Variants in CNTN4 observed in about 807,000 individuals in gnomAD.
CNTN4 encodes the protein contactin-4.
CNTN4 carries 77 observed loss-of-function variants against 122.5 expected under a neutral mutation model. The ratio of observed to expected loss-of-function variants is 0.63; its 90% confidence interval spans 0.52 to 0.76. CNTN4 has a LOEUF of 0.76. Among genes scored for constraint, CNTN4 ranks in the 30% least tolerant of loss-of-function variants. CNTN4 has a pLI of 0.00. For synonymous variants in CNTN4, 512 were observed against 447.0 expected, an observed-to-expected ratio of 1.15 and a Z score of -1.83; for missense variants, 1,256 against 1,259.1, an observed-to-expected ratio of 1.00 and a Z score of 0.04.
At chr3:2,861,472 T>A (rs906813271) in intron 7 of CNTN4, among the ~76,000 whole-genome samples, 1 of 152,188 alleles carries the variant, frequency 6.6e-6, no homozygotes, top group Non-Finnish European at 1.5e-5. Context: ...ACTTTTCACA[T>A]CTACTTTCTT....
intron 3 of CNTN4, among the ~76,000 whole-genome samples, chr3:2,347,976 C>G (rs2044468033): frequency 6.6e-6 from 1 of 151,666 alleles, no homozygotes; most frequent in Admixed American, 6.6e-5. Context: ...ATTGTTTATA[C>G]TGTATGTTTC....
At chr3:2,710,067 C>G (rs549181525) in intron 4 of CNTN4, among the ~76,000 whole-genome samples, 1 of 152,140 alleles carries the variant, frequency 6.6e-6, no homozygotes, top group East Asian at 1.9e-4. Context: ...ATTATTAGCA[C>G]TAGGTATAAT....
intron 4 of CNTN4, among the ~76,000 whole-genome samples, chr3:2,600,306 A>G (rs1455035131): frequency 6.6e-6 from 1 of 151,462 alleles, no homozygotes; most frequent in Non-Finnish European, 1.5e-5. Context: ...GCACCCATTA[A>G]CTCGTCATTT....
intron 6 of CNTN4, among the ~76,000 whole-genome samples, chr3:2,747,205 C>T (rs1022418872): frequency 1.3e-5 from 2 of 152,014 alleles, no homozygotes; most frequent in African/African-American, 4.8e-5. Flanking sequence ...GTCAGGAGAT[C>T]GAGACCATCC....
rs747750792 is a variant in CNTN4, at chr3:2,652,922, C to T, written c.55+81364C>T. Among the ~76,000 whole-genome samples, 150 of 152,130 alleles carry T rather than the reference C, an allele frequency of 9.9e-4. 1 individual carries two copies. The Middle Eastern group carries it at 0.01, about 10-fold the overall frequency. On this transcript the variant is annotated intron_variant, in intron 4 of 24. Transcript: ENST00000418658. Reference sequence around the variant, plus strand: ...CTGAATATTTCAAGTGCTTGTAAATCCTTGTCCTTTGAAGTTAGATTTCAT... The same window carrying T: ...CTGAATATTTCAAGTGCTTGTAAATTCTTGTCCTTTGAAGTTAGATTTCAT...
intron 3 of CNTN4, among the ~76,000 whole-genome samples, chr3:2,468,000 G>A (rs2075561673): frequency 6.6e-6 from 1 of 152,114 alleles, no homozygotes; most frequent in Non-Finnish European, 1.5e-5. Context: ...TGGGGACAAA[G>A]TTATACCCAG....
chr3:2,570,102 G>T (rs548890217), intron 3 of CNTN4, among the ~76,000 whole-genome samples: 2 of 152,192 alleles, frequency 1.3e-5, no homozygotes, highest in African/African-American at 4.8e-5. Context: ...TGAGAGTTCT[G>T]TTTTACTAAC....
intron 4 of CNTN4, among the ~76,000 whole-genome samples, chr3:2,619,783 G>A (rs980647338): frequency 6.6e-5 from 10 of 152,124 alleles, no homozygotes; most frequent in African/African-American, 1.4e-4. Context: ...TGCTAATAAC[G>A]CAACATAGAC....
intron 4 of CNTN4, among the ~76,000 whole-genome samples, chr3:2,573,906 G>A (rs142676873): frequency 1.8e-4 from 27 of 152,132 alleles, no homozygotes; most frequent in South Asian, 6.2e-4. Context: ...CACTCCACTC[G>A]CTGAATTTTG....
At chr3:2,871,212 G>T (rs367806525) in intron 8 of CNTN4, among the ~76,000 whole-genome samples, 16 of 152,290 alleles carry the variant, frequency 1.1e-4, no homozygotes, top group Non-Finnish European at 1.8e-4. Flanking sequence ...AGTAAGATAA[G>T]GGTAACAACA....
At chr3:2,873,520 G>A (rs2093809801) in intron 8 of CNTN4, among the ~76,000 whole-genome samples, 1 of 152,150 alleles carries the variant, frequency 6.6e-6, no homozygotes, top group Non-Finnish European at 1.5e-5. Context: ...TAAGACCAAA[G>A]GAGACCTTTA....
intron 23 of CNTN4, among the ~76,000 whole-genome samples, chr3:3,044,058 A>G (rs566693151): frequency 6.6e-6 from 1 of 152,300 alleles, no homozygotes; most frequent in Non-Finnish European, 1.5e-5. Flanking sequence ...TCAACTTAGT[A>G]GCCTCCTGAT....
intron 2 of CNTN4, among the ~76,000 whole-genome samples, chr3:2,165,545 G>A (rs969900290): frequency 1.3e-5 from 2 of 151,898 alleles, no homozygotes; most frequent in African/African-American, 2.4e-5. Context: ...TACTTAAGAC[G>A]TACTCTCTTT....
chr3:2,236,937 A>G (rs2039702719), intron 2 of CNTN4, among the ~76,000 whole-genome samples: 1 of 152,212 alleles, frequency 6.6e-6, no homozygotes, highest in Admixed American at 6.5e-5. Flanking sequence ...AATGGGAAGG[A>G]ACATGGCACA....
chr3:2,618,891 G>C (rs990517980), intron 4 of CNTN4, among the ~76,000 whole-genome samples: 1 of 152,166 alleles, frequency 6.6e-6, no homozygotes, highest in East Asian at 1.9e-4. Flanking sequence ...TGGTAAGTTT[G>C]GAATCTGGAG....
chr3:2,424,148 G>T (rs551741187), intron 3 of CNTN4, among the ~76,000 whole-genome samples: 3 of 150,550 alleles, frequency 2.0e-5, no homozygotes, highest in African/African-American at 7.3e-5. Context: ...CATCTGCCAT[G>T]TTGGTGTGCT....
At chr3:2,627,659 A>G (rs186572574) in intron 4 of CNTN4, among the ~76,000 whole-genome samples, 3 of 151,688 alleles carry the variant, frequency 2.0e-5, no homozygotes, top group Non-Finnish European at 4.4e-5. Context: ...ACGCCTGGCT[A>G]ATTTTTTGTA....
intron 12 of CNTN4, among the ~76,000 whole-genome samples, chr3:2,918,907 A>C (rs2094397937): frequency 6.6e-6 from 1 of 152,182 alleles, no homozygotes; most frequent in Admixed American, 6.5e-5. Flanking sequence ...TGAGACGGGA[A>C]TTTCCTGTTT....
chr3:2,429,996 TCCCGGAC>T (rs1313715127), intron 3 of CNTN4, among the ~76,000 whole-genome samples: 1 of 152,120 alleles, frequency 6.6e-6, no homozygotes, highest in Non-Finnish European at 1.5e-5. Flanking sequence ...GAAAGGGAAT[TCCCGGAC>T]CCCTTGCGCT....
Sources: gnomAD v4.1 joint callset for allele counts (sites outside exome capture counted in the v4.1 genomes callset) on GRCh38, gnomAD v4.1.1 for gene constraint, MANE v1.5 for transcripts, NCBI Gene and HGNC (gene_info 2026-07-23, HGNC 2026-07-21) for gene names.